Variants in ZAN observed in about 807,000 individuals in gnomAD.
ZAN encodes the protein zonadhesin (gene/pseudogene).
In ZAN, 260 loss-of-function variants were observed where a neutral mutation model predicts 286.2. The ratio of observed to expected loss-of-function variants is 0.91; its 90% confidence interval spans 0.82 to 1.01. ZAN has a LOEUF of 1.01. ZAN is among the 50% of genes least tolerant of loss of function. The pLI is 0.00. For missense variants in ZAN, 3,410 were observed against 3,639.2 expected (o/e 0.94, Z 1.62); for synonymous variants, 1,368 against 1,417.5 (o/e 0.97, Z 0.79).
rs570187388 is a variant in ZAN at position 100,734,906 on chromosome 7, C to T, written c.53+685C>T. ...CAGCAAAGAAATGACGGATGACAGGCCAAGCGCGGCGGCTCACCCCTGTAA... is the reference window on the plus strand; with the variant it reads ...CAGCAAAGAAATGACGGATGACAGGTCAAGCGCGGCGGCTCACCCCTGTAA... On this transcript the variant is annotated intron_variant, in intron 2 of 47. Coordinates refer to ENST00000613979, the MANE Select transcript of ZAN (RefSeq NM_003386.3). Among the ~76,000 whole-genome samples the T allele has an allele frequency of 3.5e-5, 5 of 141,014 alleles. No individual in the cohort carries two copies. In the South Asian group the frequency reaches 8.8e-4, roughly 25 times the overall value. 92.5% of individuals were successfully genotyped at this position (141,014 alleles called of 152,430 possible).
chr7:100,787,538 G>A (rs1811637099), intron 37 of ZAN, among the ~76,000 whole-genome samples: 1 of 151,992 alleles, frequency 6.6e-6, no homozygotes, highest in African/African-American at 2.4e-5. Flanking sequence ...CACCTGGGCA[G>A]GGTCCCTTCT....
At chr7:100,765,992 TTG>T (rs766968542) in intron 23 of ZAN, among the ~76,000 whole-genome samples, 1 of 149,496 alleles carries the variant, frequency 6.7e-6, no homozygotes, top group Non-Finnish European at 1.5e-5. Flanking sequence ...TTTTTGGTTT[TTG>T]TTTTTTTTTT....
At chr7:100,774,551 T>C (rs1810616987) in intron 31 of ZAN, among the ~76,000 whole-genome samples, 1 of 151,918 alleles carries the variant, frequency 6.6e-6, no homozygotes, top group Non-Finnish European at 1.5e-5. Context: ...ATTAAAGACA[T>C]TGCACCTGTA....
chr7:100,746,570 G>T lies in ZAN; in HGVS notation c.799G>T (p.Ala267Ser). The change falls in exon 8 of 48, where the codon GCA becomes TCA. Residue 267 changes from alanine to serine, a missense_variant. Ala to Ser is a moderately conservative substitution (Grantham distance 99, BLOSUM62 1). Around this residue, in one of 7 missense-constraint regions of ZAN, gnomAD observed 872 missense variants for 938.9 expected, o/e 0.93. Coordinates refer to ENST00000613979, the MANE Select transcript of ZAN (RefSeq NM_003386.3). Reference sequence around the variant, plus strand: ...CTACATGCTCCTGGACCCCAAGAATGCAAGACCTGGGCAGAAAGCTGTCCT... The same window carrying T: ...CTACATGCTCCTGGACCCCAAGAATTCAAGACCTGGGCAGAAAGCTGTCCT... ...GCYMLLDPKN[A>S]RPGQKAVLLS... is the part of the protein sequence containing the mutation. The T allele has an allele frequency of 6.2e-7, 1 of 1,613,968 alleles. No homozygotes were observed. Among genetic ancestry groups the T allele is most frequent in the African/African-American group, 1.3e-5 (1 of 75,050 alleles).
intron 37 of ZAN, among the ~76,000 whole-genome samples, chr7:100,786,923 G>A (rs148739582): frequency 0.011 from 1,600 of 152,218 alleles, 34 homozygotes; most frequent in African/African-American, 0.036. Context: ...TTAGTTAGGT[G>A]TAGTGGCTTG....
chr7:100,780,612 G>T (rs759826855), intron 35 of ZAN, among the ~76,000 whole-genome samples: 2 of 151,240 alleles, frequency 1.3e-5, no homozygotes, highest in Non-Finnish European at 2.9e-5. Context: ...AGTGAACTGT[G>T]ATTGCATCCC....
At chr7:100,773,584 A>G in intron 30 of ZAN, 91 bp downstream of exon 30, 1 of 1,556,036 alleles carries the variant, frequency 6.4e-7, no homozygotes, top group East Asian at 2.3e-5. Flanking sequence ...GAAGGCTCAG[A>G]ACCTGGGAGG....
intron 35 of ZAN, among the ~76,000 whole-genome samples, chr7:100,780,905 T>C (rs1811155526): frequency 1.3e-5 from 2 of 151,824 alleles, no homozygotes; most frequent in South Asian, 2.1e-4. Flanking sequence ...ACCTGGGCAA[T>C]ATAATGAGAC....
rs1212725946 is a variant in ZAN, at chr7:100,775,772, A to C, written c.6131A>C (p.Gln2044Pro). 1 of 1,613,808 alleles carries C rather than the reference A, an allele frequency of 6.2e-7. No homozygotes were observed. Among genetic ancestry groups the C allele is most frequent in the African/African-American group, 1.3e-5 (1 of 74,946 alleles). The change falls in exon 33 of 48, where the codon CAA becomes CCA. Residue 2044 changes from glutamine to proline, a missense_variant. Transcript: ENST00000613979. ...ATTGTTAACATCAAGATCGGGGTGCAAGTCAAGTTTGACGGGAATCATCTC... is the reference window on the plus strand; with the variant it reads ...ATTGTTAACATCAAGATCGGGGTGCCAGTCAAGTTTGACGGGAATCATCTC... ...YSIVNIKIGV[Q>P]VKFDGNHLLE...
Position 100,795,202 on chromosome 7 carries a change from C to T in ZAN, c.8132C>T (p.Pro2711Leu), listed in dbSNP as rs201771583. Residue 2711 changes from proline to leucine, a missense_variant, in exon 45 of 48, where the codon CCG (proline) becomes CTG (leucine). Around this residue, in one of 7 missense-constraint regions of ZAN, gnomAD observed 1,289 missense variants for 1,314.3 expected, o/e 0.98. Coordinates refer to ENST00000613979, the MANE Select transcript of ZAN (RefSeq NM_003386.3). ...ACCCTCTCTGTCCTTGCAGAAAGCC[C>T]GTGTCTGCAGAACCCCTGTCAGAAT... ...NHTQGCFPES[P>L]CLQNPCQNDG... 1,025 of 1,607,410 alleles carry T rather than the reference C, an allele frequency of 6.4e-4. No individual in the cohort carries two copies. Among genetic ancestry groups the T allele is most frequent in the Non-Finnish European group, 8.4e-4 (989 of 1,176,936 alleles).
Position 100,765,480 on chromosome 7 carries a change from T to A in ZAN, c.4396T>A (p.Phe1466Ile), listed in dbSNP as rs747261705. The A allele has an allele frequency of 6.2e-7, 1 of 1,613,294 alleles. No individual in the cohort carries two copies. The highest frequency in any genetic ancestry group is 1.7e-5 in the Admixed American group (1 of 59,896). Residue 1466 changes from phenylalanine to isoleucine, a missense_variant, in exon 23 of 48, where the codon TTC (phenylalanine) becomes ATC (isoleucine). Coordinates refer to ENST00000613979, the MANE Select transcript of ZAN (RefSeq NM_003386.3). ...GGAGGCCTGTGAATGCAATCCGGGC[T>A]TCGTCCTCAGTGGCCTCGAGTGCAT... The part of the protein sequence containing the change: ...CVEACECNPG[F>I]VLSGLECIPR...
chr7:100,750,702 T>C lies in ZAN; in HGVS notation c.1327T>C (p.Cys443Arg), dbSNP rs759098917. ...QSVRLVSRPF[C>R]APGDICVEFA... The stretch of plus-strand genomic sequence containing the variant: ...AGTCAGACTGGTGAGCCGGCCCTTC[T>C]GCGCCCCAGGTGACATCTGCGTGGA... The change falls in exon 12 of 48, where the codon TGC becomes CGC. Residue 443 changes from cysteine to arginine, a missense_variant. This residue lies in a region of ZAN where 872 missense variants were observed against 938.9 expected (regional missense o/e 0.93). Coordinates refer to ENST00000613979, the MANE Select transcript of ZAN (RefSeq NM_003386.3). 11 of 1,613,152 alleles carry C rather than the reference T, an allele frequency of 6.8e-6. No homozygotes were observed. In the South Asian group the frequency reaches 1.1e-4, roughly 16 times the overall value.
At position 100,743,889 on chromosome 7, in the gene ZAN, T is replaced by C. The variant is rs145301524; in HGVS notation, c.767-2649T>C. On this transcript the variant is annotated intron_variant, in intron 7 of 47. Coordinates refer to ENST00000613979, the MANE Select transcript of ZAN (RefSeq NM_003386.3). ...GAGATTGTGTCTCAAAATAAATAAA[T>C]AAATAAAAATAGAGATGGGGTCTTG... 7.4e-3 allele frequency among the ~76,000 whole-genome samples: 1,125 copies of C among 151,058 alleles called. 45 individuals carry two copies. The highest frequency in any genetic ancestry group is 0.026 in the African/African-American group (1,051 of 41,030).
chr7:100,744,115 A>G (rs1808011392), intron 7 of ZAN, among the ~76,000 whole-genome samples: 1 of 148,676 alleles, frequency 6.7e-6, no homozygotes, highest in Non-Finnish European at 1.5e-5. Flanking sequence ...TATTTTCTTT[A>G]TTTGTAAAGA....
chr7:100,792,237 C>A, intron 41 of ZAN, 89 bp downstream of exon 41: 1 of 1,501,104 alleles, frequency 6.7e-7, no homozygotes, highest in Admixed American at 2.3e-5. Flanking sequence ...CTGACCCAAG[C>A]TCTGTGTGGT....
chr7:100,766,929 G>C, intron 24 of ZAN, 81 bp from the exon 25 acceptor site: 1 of 1,574,346 alleles, frequency 6.4e-7, no homozygotes. Context: ...GCCAATGTGG[G>C]CTCTCCAGGA....
chr7:100,754,229 C>T (rs369390601), intron 14 of ZAN, among the ~76,000 whole-genome samples: 1 of 152,018 alleles, frequency 6.6e-6, no homozygotes, highest in African/African-American at 2.4e-5. Flanking sequence ...GAGGCTGAGG[C>T]GGGCAGATCA....
Position 100,779,532 on chromosome 7 carries a change from G to T in ZAN, c.6404G>T (p.Arg2135Leu), listed in dbSNP as rs376133509. The T allele has an allele frequency of 1.8e-4, 283 of 1,612,258 alleles. No homozygotes were observed. The highest frequency in any genetic ancestry group is 4.4e-4 in the Admixed American group (26 of 59,728). The change falls in exon 35 of 48, where the codon CGC (arginine) becomes CTC (leucine). Residue 2135 changes from arginine to leucine, a missense_variant. By Grantham distance (102) the Arg-to-Leu change is moderately radical (BLOSUM62 -2). This residue lies in a region of ZAN where 1,289 missense variants were observed against 1,314.3 expected (regional missense o/e 0.98). Coordinates refer to ENST00000613979, the MANE Select transcript of ZAN (RefSeq NM_003386.3). ...PSGNCRAADL[R>L]RAREKCEAAL... ...GGAAACTGCAGGGCGGCCGACCTCC[G>T]CAGGGCGCGGGAAAAGTGCGAGGCA...
chr7:100,754,485 A>G (rs1809007139), intron 14 of ZAN, among the ~76,000 whole-genome samples: 1 of 151,850 alleles, frequency 6.6e-6, no homozygotes, highest in Non-Finnish European at 1.5e-5. Context: ...AAATAAATAA[A>G]TAAATAAATG....
Sources: allele counts gnomAD v4.1 joint callset (sites outside exome capture counted in the v4.1 genomes callset), GRCh38; gene constraint gnomAD v4.1.1; regional missense constraint gnomAD v4.1.1; transcripts MANE v1.5; gene names NCBI Gene and HGNC (gene_info 2026-07-23, HGNC 2026-07-21).